The following ZDHHC20 variants were observed in gnomAD, a reference collection of about 807,000 sequenced individuals.
ZDHHC20 encodes zDHHC palmitoyltransferase 20.
ZDHHC20 carries 43 observed loss-of-function variants against 57.8 expected under a neutral mutation model. The observed-to-expected ratio is 0.74, with a 90% confidence interval of 0.58 to 0.96. The LOEUF (loss-of-function observed/expected upper bound fraction) is 0.96. ZDHHC20 is among the 40% of genes least tolerant of loss of function. The probability of loss-of-function intolerance (pLI) is 0.00; values close to 1 mark genes in which losing one functional copy is unlikely to be tolerated. For missense variants in ZDHHC20, 391 were observed against 441.1 expected, an observed-to-expected ratio of 0.89 and a Z score of 1.02; for synonymous variants, 157 against 153.0, an observed-to-expected ratio of 1.03 and a Z score of -0.19.
intron 11 of ZDHHC20, among the ~76,000 whole-genome samples, chr13:21,380,134 G>A (rs187287737): frequency 3.7e-5 from 5 of 134,660 alleles, no homozygotes; most frequent in Admixed American, 2.3e-4. Context: ...TTTCTTCCCC[G>A]AGATGGAGTC....
At chr13:21,407,157 T>C (rs888009217) in intron 4 of ZDHHC20, among the ~76,000 whole-genome samples, 1 of 151,918 alleles carries the variant, frequency 6.6e-6, no homozygotes, top group African/African-American at 2.4e-5. Flanking sequence ...TCCAGCTAAT[T>C]TTTTTTTGTA....
chr13:21,407,667 G>A (rs1055134493), intron 4 of ZDHHC20, among the ~76,000 whole-genome samples: 1 of 152,108 alleles, frequency 6.6e-6, no homozygotes, highest in Non-Finnish European at 1.5e-5. Context: ...AATTGCTTTT[G>A]GTGTTTTAGT....
chr13:21,379,233 G>A (rs1316344388), intron 11 of ZDHHC20, among the ~76,000 whole-genome samples: 3 of 151,912 alleles, frequency 2.0e-5, no homozygotes, highest in Non-Finnish European at 4.4e-5. Context: ...GGTATTTAGG[G>A]TATTTGCTAG....
At chr13:21,446,658 T>C (rs899530840) in intron 1 of ZDHHC20, among the ~76,000 whole-genome samples, 2 of 152,344 alleles carry the variant, frequency 1.3e-5, no homozygotes, top group East Asian at 1.9e-4. Context: ...TTATTCTTTA[T>C]TATATCAGTC....
chr13:21,379,413 C>T (rs960716567), intron 11 of ZDHHC20, among the ~76,000 whole-genome samples: 2 of 152,030 alleles, frequency 1.3e-5, no homozygotes, highest in African/African-American at 2.4e-5. Context: ...TCCTGAATAG[C>T]TGGGACTACA....
At chr13:21,439,307 T>G (rs1478153192) in intron 1 of ZDHHC20, among the ~76,000 whole-genome samples, 1 of 151,998 alleles carries the variant, frequency 6.6e-6, no homozygotes, top group East Asian at 1.9e-4. Flanking sequence ...TGAGACCAGT[T>G]TGGGCAACAT....
chr13:21,391,927 T>C (rs1270459066), intron 7 of ZDHHC20, 73 bp from the exon 8 acceptor site: 2 of 1,454,276 alleles, frequency 1.4e-6, no homozygotes, highest in African/African-American at 1.4e-5. Context: ...TGTCTAAAGA[T>C]TGTTGAATAT....
At chr13:21,416,992 TG>T (rs1880062151) in intron 3 of ZDHHC20, among the ~76,000 whole-genome samples, 1 of 152,244 alleles carries the variant, frequency 6.6e-6, no homozygotes. Context: ...GCTATTCACA[TG>T]CTGCCGCCTC....
At chr13:21,452,709 T>C (rs921997027) in intron 1 of ZDHHC20, among the ~76,000 whole-genome samples, 1 of 152,208 alleles carries the variant, frequency 6.6e-6, no homozygotes, top group Non-Finnish European at 1.5e-5. Flanking sequence ...AGTATACTTT[T>C]ATAAGGTATT....
At position 21,459,146 on chromosome 13, in the gene ZDHHC20, C is replaced by A; in HGVS notation, c.26G>T (p.Cys9Phe). The change falls in exon 1 of 13, where the codon TGC becomes TTC. Residue 9 changes from cysteine (C) to phenylalanine (F), a missense_variant. Physicochemically the swap from Cys to Phe is radical, Grantham distance 205. Coordinates refer to ENST00000400590, the MANE Select transcript of ZDHHC20 (RefSeq NM_001330059.2). MAPWTLWR[C>F]CQRVVGWVPV... Reference sequence around the variant, plus strand: ...CACCCAGCCCACGACGCGCTGGCAGCAGCGCCACAGCGTCCAGGGCGCCAT... The same window carrying A: ...CACCCAGCCCACGACGCGCTGGCAGAAGCGCCACAGCGTCCAGGGCGCCAT... The A allele has an allele frequency of 6.2e-7, 1 of 1,603,570 alleles. No individual in the cohort carries two copies. Among genetic ancestry groups the A allele is most frequent in the Non-Finnish European group, 8.5e-7 (1 of 1,176,170 alleles).
intron 1 of ZDHHC20, among the ~76,000 whole-genome samples, chr13:21,444,959 G>T (rs1883533273): frequency 6.6e-6 from 1 of 152,096 alleles, no homozygotes; most frequent in African/African-American, 2.4e-5. Context: ...AGGAGGCTAA[G>T]GTGGAAGGAT....
intron 1 of ZDHHC20, among the ~76,000 whole-genome samples, chr13:21,436,729 C>G (rs1022507323): frequency 2.6e-5 from 4 of 152,278 alleles, no homozygotes; most frequent in East Asian, 1.9e-4. Flanking sequence ...ACAATGGCCT[C>G]TAAGTGTTCA....
At chr13:21,412,458 C>T (rs558082392) in intron 4 of ZDHHC20, among the ~76,000 whole-genome samples, 17 of 152,104 alleles carry the variant, frequency 1.1e-4, no homozygotes, top group Middle Eastern at 3.4e-3. Flanking sequence ...GAGAAAACAA[C>T]AAATGTGGGA....
At chr13:21,396,561 G>C (rs1165680973) in intron 7 of ZDHHC20, among the ~76,000 whole-genome samples, 3 of 152,182 alleles carry the variant, frequency 2.0e-5, no homozygotes, top group African/African-American at 2.4e-5. Flanking sequence ...GGTCAGGCAT[G>C]GTGGCTCACA....
At chr13:21,391,630 T>A in intron 8 of ZDHHC20, 92 bp downstream of exon 8, 1 of 1,362,688 alleles carries the variant, frequency 7.3e-7, no homozygotes, top group Non-Finnish European at 1.0e-6. Flanking sequence ...TGTCTTACAC[T>A]TCTGTATCAT....
intron 3 of ZDHHC20, among the ~76,000 whole-genome samples, chr13:21,417,988 A>G (rs996230124): frequency 6.6e-6 from 1 of 152,202 alleles, no homozygotes; most frequent in African/African-American, 2.4e-5. Flanking sequence ...TCAGTGACAA[A>G]GAGAATCTTA....
intron 1 of ZDHHC20, among the ~76,000 whole-genome samples, chr13:21,441,425 G>A (rs1409109760): frequency 9.5e-5 from 14 of 146,994 alleles, no homozygotes; most frequent in African/African-American, 2.8e-4. Context: ...TAGCACTGTC[G>A]CCCAGGCTGG....
chr13:21,420,969 G>A (rs535496220), intron 3 of ZDHHC20, 92 bp downstream of exon 3: 1 of 940,776 alleles, frequency 1.1e-6, no homozygotes, highest in East Asian at 2.6e-5. Context: ...CAGAACACAT[G>A]CATTATGTAA....
chr13:21,444,133 G>A (rs1566113019), intron 1 of ZDHHC20, among the ~76,000 whole-genome samples: 1 of 152,154 alleles, frequency 6.6e-6, no homozygotes, highest in Non-Finnish European at 1.5e-5. Flanking sequence ...TCTACCCTGG[G>A]CAACAGAGCG....
Sources: allele counts gnomAD v4.1 joint callset (sites outside exome capture counted in the v4.1 genomes callset), GRCh38; gene constraint gnomAD v4.1.1; transcripts MANE v1.5; gene names NCBI Gene and HGNC (gene_info 2026-07-23, HGNC 2026-07-21).